CASTOR2: variants seen among roughly 807,000 people sequenced by gnomAD.
CASTOR2 encodes GATS protein like 2.
CASTOR2 carries 8 observed loss-of-function variants against 31.2 expected under a neutral mutation model. The observed-to-expected ratio is 0.26, with a 90% CI of 0.15 to 0.46. CASTOR2 has a LOEUF of 0.46. Ranked by LOEUF, CASTOR2 falls within the 20% of genes least tolerant of loss-of-function variation. The probability of loss-of-function intolerance (pLI) is 0.99; values close to 1 mark genes in which losing one functional copy is unlikely to be tolerated. For missense variants in CASTOR2, 216 were observed against 382.1 expected (o/e 0.57, Z 3.62); for synonymous variants, 162 against 158.7 (o/e 1.02, Z -0.16).
chr7:75,011,003 C>A (rs2131947800), intron 2 of CASTOR2, among the ~76,000 whole-genome samples: 1 of 152,196 alleles, frequency 6.6e-6, no homozygotes, highest in Middle Eastern at 3.4e-3. Context: ...TAGGCACCCA[C>A]CACCATGCCC....
intron 4 of CASTOR2, 47 bp downstream of exon 4, chr7:75,018,169 C>T (rs1259916868): frequency 6.3e-7 from 1 of 1,595,258 alleles, no homozygotes; most frequent in African/African-American, 1.3e-5. Context: ...CACGAAGTTA[C>T]CAGGCCCAGC....
At chr7:74,998,130 G>A (rs1474053703) in intron 1 of CASTOR2, among the ~76,000 whole-genome samples, 2 of 152,004 alleles carry the variant, frequency 1.3e-5, no homozygotes, top group African/African-American at 2.4e-5. Context: ...GCCCCGGCTC[G>A]GCAGACCCCA....
rs1413205218 is a variant in CASTOR2, at chr7:75,030,193, G to A, written c.*5494G>A. Among the ~76,000 whole-genome samples, 1 of 152,240 alleles carries A rather than the reference G, an allele frequency of 6.6e-6. No homozygotes were observed. The highest frequency in any genetic ancestry group is 6.5e-5 in the Admixed American group (1 of 15,280). ...CTGTGTGCTAGGAGTGGGGGTGCAG[G>A]CCTAGGTGTGTTTATGCACACGTTT... is the stretch of plus-strand genomic sequence containing the variant. On this transcript the variant is annotated 3_prime_UTR_variant, in exon 9 of 9. Transcript: ENST00000616305.
intron 4 of CASTOR2, among the ~76,000 whole-genome samples, chr7:75,018,539 C>CAA (rs1176932997): frequency 7.1e-6 from 1 of 140,448 alleles, no homozygotes; most frequent in African/African-American, 2.6e-5. Flanking sequence ...AACTCCATCT[C>CAA]AAAAAAAAAA....
At chr7:75,017,550 A>G in intron 2 of CASTOR2, 48 bp from the exon 3 acceptor site, 1 of 1,599,974 alleles carries the variant, frequency 6.3e-7, no homozygotes, top group Non-Finnish European at 8.5e-7. Context: ...CCCTTGGGTC[A>G]TCTGGAACCT....
chr7:75,010,639 C>T (rs1804721389), intron 2 of CASTOR2, among the ~76,000 whole-genome samples: 1 of 152,064 alleles, frequency 6.6e-6, no homozygotes, highest in Non-Finnish European at 1.5e-5. Flanking sequence ...CCTTTCCCAG[C>T]CGCAGGTGCA....
At chr7:74,977,393 T>C (rs1480852365) in intron 1 of CASTOR2, among the ~76,000 whole-genome samples, 1 of 150,332 alleles carries the variant, frequency 6.7e-6, no homozygotes, top group Non-Finnish European at 1.5e-5. Context: ...AAAGCATTTT[T>C]TTTTTGAGAT....
rs1805083677 is a variant in CASTOR2 at position 75,024,804 on chromosome 7, C to T, written c.*105C>T. ...AGACTGGAAAATCAGCCTGGGGACCCTGAGGAAGGGGCCTCTGTGGGAGAC... is the reference window on the plus strand; with the variant it reads ...AGACTGGAAAATCAGCCTGGGGACCTTGAGGAAGGGGCCTCTGTGGGAGAC... On this transcript the variant is annotated 3_prime_UTR_variant, in exon 9 of 9. Coordinates refer to ENST00000616305, the MANE Select transcript of CASTOR2 (RefSeq NM_001145064.3). The T allele has an allele frequency of 1.3e-6, 2 of 1,549,956 alleles. No homozygotes were observed. Among genetic ancestry groups the T allele is most frequent in the Admixed American group, 2.0e-5 (1 of 50,986 alleles).
intron 6 of CASTOR2, 113 bp downstream of exon 6, chr7:75,020,262 A>G: frequency 2.8e-6 from 3 of 1,057,950 alleles, no homozygotes; most frequent in Non-Finnish European, 4.2e-6. Flanking sequence ...TTTTTTTTTG[A>G]TACGGGGTCT....
In CASTOR2 at chr7:75,026,102, A is replaced by G. The variant is rs1378746711; in HGVS notation, c.*1403A>G. ...AGCTGAGTGGTCATGTCCAGGAGGC[A>G]TGGGGTTAGCCGTGGTGTCCCTTCC... On this transcript the variant is annotated 3_prime_UTR_variant, in exon 9 of 9. Coordinates refer to ENST00000616305, the MANE Select transcript of CASTOR2 (RefSeq NM_001145064.3). Among the ~76,000 whole-genome samples, 1 of 151,494 alleles carries G rather than the reference A, an allele frequency of 6.6e-6. No individual in the cohort carries two copies. The highest frequency in any genetic ancestry group is 1.5e-5 in the Non-Finnish European group (1 of 67,902).
At chr7:74,987,322 T>C (rs1804091697) in intron 1 of CASTOR2, among the ~76,000 whole-genome samples, 1 of 151,866 alleles carries the variant, frequency 6.6e-6, no homozygotes, top group African/African-American at 2.4e-5. Flanking sequence ...GGAGAATTGC[T>C]TCAACCTGGG....
At position 75,018,135 on chromosome 7, in the gene CASTOR2, C is replaced by T. The variant is rs1375311543; in HGVS notation, c.511+13C>T. On this transcript the variant is annotated intron_variant, in intron 4 of 8. Transcript: ENST00000616305. ...AAGCCCAAGCTGGGTGAGCTGGGGGCGGGGGTTTGTGCAGGGGAAACCTCA... is the reference window on the plus strand; with the variant it reads ...AAGCCCAAGCTGGGTGAGCTGGGGGTGGGGGTTTGTGCAGGGGAAACCTCA... The T allele has an allele frequency of 3.3e-5, 53 of 1,613,308 alleles. No individual in the cohort carries two copies. The highest frequency in any genetic ancestry group is 1.1e-4 in the African/African-American group (8 of 74,926).
chr7:74,993,108 G>A (rs1477580717), intron 1 of CASTOR2, among the ~76,000 whole-genome samples: 4 of 152,028 alleles, frequency 2.6e-5, no homozygotes, highest in Non-Finnish European at 5.9e-5. Flanking sequence ...GCTGAGGCAG[G>A]AGAATGGCGT....
intron 1 of CASTOR2, among the ~76,000 whole-genome samples, chr7:74,988,078 A>C (rs1584463150): frequency 1.3e-5 from 2 of 149,470 alleles, no homozygotes; most frequent in South Asian, 2.1e-4. Flanking sequence ...TCTGGCTTTC[A>C]CTGCTCATTG....
rs1289714836 is a variant in CASTOR2 at position 75,016,027 on chromosome 7, A to G, written c.185-1571A>G. Among the ~76,000 whole-genome samples, 6 of 152,124 alleles carry G rather than the reference A, an allele frequency of 3.9e-5. 1 individual carries two copies. Among genetic ancestry groups the G allele is most frequent in the East Asian group, 3.9e-4 (2 of 5,178 alleles). On this transcript the variant is annotated intron_variant, in intron 2 of 8. Coordinates refer to ENST00000616305, the MANE Select transcript of CASTOR2 (RefSeq NM_001145064.3). Reference sequence around the variant, plus strand: ...GTTGCAGTGAGCCAAGATCATGCCAATGTACTCCAGCCTGGGTGACAGAGT... The same window carrying G: ...GTTGCAGTGAGCCAAGATCATGCCAGTGTACTCCAGCCTGGGTGACAGAGT...
intron 6 of CASTOR2, among the ~76,000 whole-genome samples, chr7:75,021,661 C>T (rs1805007816): frequency 6.6e-6 from 1 of 152,128 alleles, no homozygotes; most frequent in Non-Finnish European, 1.5e-5. Context: ...CCCAGCCTGA[C>T]ATCACCCTCC....
rs947870510 is a variant in CASTOR2, at chr7:75,030,268, C to T, written c.*5569C>T. ...GTGTTCCTATGCATTAGAGTGTGTG[C>T]GTGCACGTGTGCAGAGCCCACACCT... On this transcript the variant is annotated 3_prime_UTR_variant, in exon 9 of 9. Transcript: ENST00000616305. 2.0e-5 allele frequency among the ~76,000 whole-genome samples: 3 copies of T among 152,328 alleles called. No individual in the cohort carries two copies. Among genetic ancestry groups the T allele is most frequent in the East Asian group, 1.9e-4 (1 of 5,188 alleles).
At chr7:75,020,637 C>CG (rs1247513192) in intron 6 of CASTOR2, among the ~76,000 whole-genome samples, 6 of 151,864 alleles carry the variant, frequency 4.0e-5, no homozygotes, top group Non-Finnish European at 8.8e-5. Flanking sequence ...ACTACAGGCG[C>CG]CGCCACCACG....
chr7:75,021,766 A>G (rs1024074902), intron 6 of CASTOR2, 108 bp from the exon 7 acceptor site: 2 of 1,405,030 alleles, frequency 1.4e-6, no homozygotes, highest in Admixed American at 2.0e-5. Context: ...GGTCTGCCCA[A>G]CCCTGCCTGG....
Sources: gnomAD v4.1 joint callset for allele counts (sites outside exome capture counted in the v4.1 genomes callset) on GRCh38, gnomAD v4.1.1 for gene constraint, MANE v1.5 for transcripts, NCBI Gene and HGNC (gene_info 2026-07-23, HGNC 2026-07-21) for gene names.